Variants in LOXL3 observed in about 807,000 individuals in gnomAD.
The protein encoded by LOXL3 is lysyl oxidase homolog 3.
Under a neutral mutation model 91.8 loss-of-function variants are expected in LOXL3, and 60 were observed. The ratio of observed to expected loss-of-function variants is 0.65; its 90% CI spans 0.53 to 0.81. The LOEUF is 0.81. LOXL3 is among the 30% of genes least tolerant of loss of function. LOXL3 has a pLI of 0.00. For synonymous variants in LOXL3, 355 were observed against 387.6 expected, an observed-to-expected ratio of 0.92 and a Z score of 0.99; for missense variants, 874 against 1,000.4, an observed-to-expected ratio of 0.87 and a Z score of 1.70.
Position 74,532,749 on chromosome 2 carries a change from G to T in LOXL3, c.*857C>A. The T allele has an allele frequency of 6.2e-7, 1 of 1,611,762 alleles. No homozygotes were observed. The highest frequency in any genetic ancestry group is 8.5e-7 in the Non-Finnish European group (1 of 1,177,906). Reference sequence around the variant, plus strand: ...AGGCTGCAGTGTGATATGGGGATGGGCAAGGTGTGCATGTGTCCTTGAACT... The same window carrying T: ...AGGCTGCAGTGTGATATGGGGATGGTCAAGGTGTGCATGTGTCCTTGAACT... On this transcript the variant is annotated 3_prime_UTR_variant, in exon 14 of 14. Coordinates refer to ENST00000264094, the MANE Select transcript of LOXL3 (RefSeq NM_032603.5).
At chr2:74,555,487 T>C (rs760877491), upstream of LOXL3, 72 of 1,609,292 alleles carry the variant, frequency 4.5e-5, no homozygotes, top group South Asian at 7.8e-4. The surrounding 1 kb of genome is among the most constrained non-coding windows in gnomAD (Gnocchi z 6.1). Context: ...GTGGGGGCAG[T>C]TACAGAGGCA....
chr2:74,553,002 A>G, intron 1 of LOXL3: 1 of 236,636 alleles, frequency 4.2e-6, no homozygotes. Context: ...AGACTGTGGG[A>G]ATGAGAGAGA....
In LOXL3 at chr2:74,550,303, C is replaced by T. The variant is rs755357456; in HGVS notation, c.359G>A (p.Ser120Asn). ...GCCCCGGGAGGCACATTCAGTCACACTCTGCTCGGTCCCACTGCAGCTCAA... is the reference window on the plus strand; with the variant it reads ...GCCCCGGGAGGCACATTCAGTCACATTCTGCTCGGTCCCACTGCAGCTCAA... ...DNLSCSGTEQ[S>N]VTECASRGWG... Residue 120 changes from serine to asparagine, a missense_variant, in exon 3 of 14, where the codon AGT (serine) becomes AAT (asparagine). Transcript: ENST00000264094. 1 of 1,614,106 alleles carries T rather than the reference C, an allele frequency of 6.2e-7. No individual in the cohort carries two copies. The highest frequency in any genetic ancestry group is 1.1e-5 in the South Asian group (1 of 91,078).
At position 74,552,403 on chromosome 2, in the gene LOXL3, C is replaced by T; in HGVS notation, c.232G>A (p.Ala78Thr). 3 of 1,613,620 alleles carry T rather than the reference C, an allele frequency of 1.9e-6. No homozygotes were observed. The highest frequency in any genetic ancestry group is 2.5e-6 in the Non-Finnish European group (3 of 1,179,616). ...TICDDDFTLQ[A>T]AHILCRELGF... The stretch of plus-strand genomic sequence containing the variant: ...AGCTCCCGGCAGAGGATGTGGGCAG[C>T]CTGCAGCGTGAAGTCATCATCGCAG... The change falls in exon 2 of 14, where the codon GCT becomes ACT. Residue 78 changes from alanine (A) to threonine (T), a missense_variant. Coordinates refer to ENST00000264094, the MANE Select transcript of LOXL3 (RefSeq NM_032603.5).
chr2:74,537,924 G>A (rs529282867), intron 4 of LOXL3, among the ~76,000 whole-genome samples: 23 of 152,308 alleles, frequency 1.5e-4, no homozygotes, highest in Non-Finnish European at 2.6e-4. Context: ...ATGTAGTCAT[G>A]CATTATTGCA....
chr2:74,552,450 C>A lies in LOXL3; in HGVS notation c.185G>T (p.Arg62Leu). Residue 62 changes from arginine to leucine, a missense_variant, in exon 2 of 14, where the codon CGA (arginine) becomes CTA (leucine). Arg to Leu is a moderately radical substitution (Grantham distance 102). Coordinates refer to ENST00000264094, the MANE Select transcript of LOXL3 (RefSeq NM_032603.5). Reference protein sequence around the residue: ...KPYEGRVEIQRAGEWGTICDD... With the variant: ...KPYEGRVEIQLAGEWGTICDD... ...GCAGATGGTGCCCCATTCACCAGCT[C>A]GCTGTATCTCCACGCGGCCCTCGTA... 6.2e-7 allele frequency: 1 copy of A among 1,613,876 alleles called. No homozygotes were observed. Among genetic ancestry groups the A allele is most frequent in the Non-Finnish European group, 8.5e-7 (1 of 1,179,928 alleles).
At chr2:74,543,194 C>A (rs1676415906) in intron 4 of LOXL3, among the ~76,000 whole-genome samples, 1 of 152,206 alleles carries the variant, frequency 6.6e-6, no homozygotes, top group South Asian at 2.1e-4. Context: ...GCCGCCTACT[C>A]CTAATTCTGG....
At position 74,549,743 on chromosome 2, in the gene LOXL3, T is replaced by C. The variant is rs1447306391; in HGVS notation, c.478-160A>G. 4.2e-6 allele frequency: 6 copies of C among 1,440,130 alleles called. No individual in the cohort carries two copies. Among genetic ancestry groups the C allele is most frequent in the Non-Finnish European group, 9.1e-7 (1 of 1,096,406 alleles). The allele number at this position is 1,440,130 out of a possible 1,614,324, so 89.2% of individuals were successfully genotyped here. The stretch of plus-strand genomic sequence containing the variant: ...CGGCCACGATGGCCGCAGTCCGCGG[T>C]GTGGACTCTCTTGCAGCCAGCAGCG... On this transcript the variant is annotated intron_variant, in intron 3 of 13. Transcript: ENST00000264094. The surrounding 1 kb of genome is among the most constrained non-coding windows in gnomAD (Gnocchi z 5.3).
At chr2:74,538,767 A>T (rs187834513) in intron 4 of LOXL3, among the ~76,000 whole-genome samples, 34 of 152,366 alleles carry the variant, frequency 2.2e-4, no homozygotes, top group Admixed American at 1.8e-3. Flanking sequence ...TCCTTTAGGC[A>T]AATGTAACCT....
Position 74,533,459 on chromosome 2 carries a change from A to G in LOXL3, c.*147T>C. ...CAGCTGGCCTCTGAAGGAGGGTGAAAACTTCTGCTTGACAGTTCCACATCC... is the reference window on the plus strand; with the variant it reads ...CAGCTGGCCTCTGAAGGAGGGTGAAGACTTCTGCTTGACAGTTCCACATCC... On this transcript the variant is annotated 3_prime_UTR_variant, in exon 14 of 14. Coordinates refer to ENST00000264094, the MANE Select transcript of LOXL3 (RefSeq NM_032603.5). The G allele has an allele frequency of 1.5e-6, 1 of 675,504 alleles. No individual in the cohort carries two copies. Among genetic ancestry groups the G allele is most frequent in the Non-Finnish European group, 2.5e-6 (1 of 394,294 alleles). The allele number at this position is 675,504 out of a possible 1,614,324, so 41.8% of individuals were successfully genotyped here.
At chr2:74,544,859 C>T (rs772235148) in intron 4 of LOXL3, among the ~76,000 whole-genome samples, 12 of 152,154 alleles carry the variant, frequency 7.9e-5, no homozygotes, top group Non-Finnish European at 2.9e-5. Flanking sequence ...CTCTGCTGGG[C>T]CTGACCTGTG....
rs755391218 is a variant in LOXL3, at chr2:74,533,900, C to T, written c.2170G>A (p.Val724Met). 10 of 1,613,894 alleles carry T rather than the reference C, an allele frequency of 6.2e-6. No homozygotes were observed. The South Asian group carries it at 8.8e-5, about 14-fold the overall frequency. ...CAAATACCAATGTGGCAGTTGTGCACCCAGATTCTATGTCCATCATATTTG... is the reference window on the plus strand; with the variant it reads ...CAAATACCAATGTGGCAGTTGTGCATCCAGATTCTATGTCCATCATATTTG... ...NCKYDGHRIW[V>M]HNCHIGDAFS... is the part of the protein sequence containing the mutation. Residue 724 changes from valine (V) to methionine (M), a missense_variant, in exon 13 of 14, where the codon GTG becomes ATG. By Grantham distance (21) the Val-to-Met change is conservative. Transcript: ENST00000264094.
chr2:74,536,082 G>A lies in LOXL3; in HGVS notation c.1162C>T (p.His388Tyr), dbSNP rs553574295. 6.2e-7 allele frequency: 1 copy of A among 1,613,512 alleles called. No individual in the cohort carries two copies. Among genetic ancestry groups the A allele is most frequent in the Non-Finnish European group, 8.5e-7 (1 of 1,179,710 alleles). The change falls in exon 7 of 14, where the codon CAC (histidine) becomes TAC (tyrosine). Residue 388 changes from histidine to tyrosine, a missense_variant. His to Tyr is a moderately conservative substitution (Grantham distance 83). Coordinates refer to ENST00000264094, the MANE Select transcript of LOXL3 (RefSeq NM_032603.5). The surrounding 1 kb of genome is among the most constrained non-coding windows in gnomAD (Gnocchi z 4.5). ...GQELSLWKCP[H>Y]KNITAEDCSH... is the part of the protein sequence containing the mutation. Reference sequence around the variant, plus strand: ...CAATCCTCAGCTGTGATGTTCTTGTGGGGGCACTTCCAGAGGGAGAGCTCC... The same window carrying A: ...CAATCCTCAGCTGTGATGTTCTTGTAGGGGCACTTCCAGAGGGAGAGCTCC...
intron 4 of LOXL3, among the ~76,000 whole-genome samples, chr2:74,538,115 G>A (rs1676128552): frequency 6.6e-6 from 1 of 152,212 alleles, no homozygotes; most frequent in South Asian, 2.1e-4. Context: ...TAAGAGATCA[G>A]GCACTCTCCC....
rs1326915912 is a variant in LOXL3 at position 74,534,746 on chromosome 2, T to A, written c.1608A>T (p.Ala536=). Residue 536 remains alanine (A), a synonymous_variant, in exon 10 of 14, where the codon GCA becomes GCT. Coordinates refer to ENST00000264094, the MANE Select transcript of LOXL3 (RefSeq NM_032603.5). ...ETASDLLLHS[A]LVQETAYIED... ...CGATGTAGGCGGTCTCCTGCACCAGTGCTGAGTGCAGCAACAGATCTGATG... is the reference window on the plus strand; with the variant it reads ...CGATGTAGGCGGTCTCCTGCACCAGAGCTGAGTGCAGCAACAGATCTGATG... The A allele has an allele frequency of 3.1e-6, 5 of 1,613,948 alleles. No homozygotes were observed. The highest frequency in any genetic ancestry group is 1.7e-4 in the Middle Eastern group (1 of 5,910).
At position 74,549,632 on chromosome 2, in the gene LOXL3, T is replaced by A. The variant is rs775035240; in HGVS notation, c.478-49A>T. 6.4e-7 allele frequency: 1 copy of A among 1,559,214 alleles called. No individual in the cohort carries two copies. The highest frequency in any genetic ancestry group is 8.7e-7 in the Non-Finnish European group (1 of 1,145,732). On this transcript the variant is annotated intron_variant, in intron 3 of 13. Coordinates refer to ENST00000264094, the MANE Select transcript of LOXL3 (RefSeq NM_032603.5). The surrounding 1 kb of genome is among the most constrained non-coding windows in gnomAD (Gnocchi z 5.3). ...GAAAGAATCCCAGTGGCACCTTTCA[T>A]GTGTCCCGCCGCCCTTAAGGAACCC...
chr2:74,538,414 G>T (rs893905862), intron 4 of LOXL3, among the ~76,000 whole-genome samples: 5 of 152,198 alleles, frequency 3.3e-5, no homozygotes, highest in South Asian at 2.1e-4. Flanking sequence ...ACTAGAACTT[G>T]TTGAGAACAG....
Position 74,533,509 on chromosome 2 carries a change from G to T in LOXL3, c.*97C>A. ...CATAGTGCATGGTCTGATGAGTGCGGTTGCTGACATGGGTTTCTTGGTAAG... is the reference window on the plus strand; with the variant it reads ...CATAGTGCATGGTCTGATGAGTGCGTTTGCTGACATGGGTTTCTTGGTAAG... On this transcript the variant is annotated 3_prime_UTR_variant, in exon 14 of 14. Transcript: ENST00000264094. The T allele has an allele frequency of 9.3e-7, 1 of 1,080,750 alleles. No homozygotes were observed. The highest frequency in any genetic ancestry group is 1.4e-6 in the Non-Finnish European group (1 of 714,358). 66.9% of individuals were successfully genotyped at this position (1,080,750 alleles called of 1,614,324 possible).
rs140728996 is a variant in LOXL3 at position 74,537,458 on chromosome 2, G to A, written c.693-530C>T. ...CTCCGCAGAGGCCAGAGACTCTGCAGGACAGATTAGGAGGGGCAGATGCAG... is the reference window on the plus strand; with the variant it reads ...CTCCGCAGAGGCCAGAGACTCTGCAAGACAGATTAGGAGGGGCAGATGCAG... On this transcript the variant is annotated intron_variant, in intron 4 of 13. Transcript: ENST00000264094. Among the ~76,000 whole-genome samples, 331 of 152,320 alleles carry A rather than the reference G, an allele frequency of 2.2e-3. 14 individuals are homozygous for A. In the East Asian group the frequency reaches 0.059, roughly 27 times the overall value.
Sources: allele counts gnomAD v4.1 joint callset (sites outside exome capture counted in the v4.1 genomes callset), GRCh38; gene constraint gnomAD v4.1.1; non-coding constraint Gnocchi (gnomAD v3.1); transcripts MANE v1.5; gene names NCBI Gene and HGNC (gene_info 2026-07-23, HGNC 2026-07-21).